POMP: variants seen among roughly 807,000 people sequenced by gnomAD.
The protein encoded by POMP is 2510048O06Rik.
Under a neutral mutation model 20.6 loss-of-function variants are expected in POMP, and 12 were observed. That is an observed-to-expected ratio of 0.58 (90% confidence interval 0.37 to 0.94). The LOEUF is 0.94. POMP is among the 40% of genes least tolerant of loss of function. The pLI, the probability that POMP is intolerant of heterozygous loss-of-function variation, is 0.01. For synonymous variants in POMP, 53 were observed against 55.0 expected (o/e 0.96, Z 0.16); for missense variants, 136 against 161.1 (o/e 0.84, Z 0.84).
chr13:28,670,940 G>A (rs1884535858), intron 4 of POMP, among the ~76,000 whole-genome samples: 3 of 152,092 alleles, frequency 2.0e-5, no homozygotes, highest in East Asian at 1.9e-4. Context: ...CCAGCTACTC[G>A]GGAGGCTGAG....
At position 28,662,503 on chromosome 13, in the gene POMP, A is replaced by G. The variant is rs1884363343; in HGVS notation, c.97A>G (p.Lys33Glu). 1.2e-6 allele frequency: 2 copies of G among 1,607,102 alleles called. No homozygotes were observed. Among genetic ancestry groups the G allele is most frequent in the Non-Finnish European group, 1.7e-6 (2 of 1,173,748 alleles). ...GPFESHDLLR[K>E]GFSCVKNELL... ...TTTTGAAAGTCATGATCTTCTTCGG[A>G]AAGGGTATATGGGGGAGTTATGACT... Residue 33 changes from lysine (K) to glutamate (E), a missense_variant, in exon 2 of 6, where the codon AAA becomes GAA. Coordinates refer to ENST00000380842, the MANE Select transcript of POMP (RefSeq NM_015932.6).
At chr13:28,672,277 T>C in intron 4 of POMP, 62 bp from the exon 5 acceptor site, 1 of 1,231,894 alleles carries the variant, frequency 8.1e-7, no homozygotes. Context: ...AATTAGACTA[T>C]ATATTCTGTC....
At chr13:28,676,781 A>T (rs1478980666) in intron 5 of POMP, among the ~76,000 whole-genome samples, 2 of 152,184 alleles carry the variant, frequency 1.3e-5, no homozygotes, top group Non-Finnish European at 2.9e-5. Flanking sequence ...CTTTTTCTTA[A>T]TGCTGGAAGG....
intron 2 of POMP, among the ~76,000 whole-genome samples, chr13:28,664,214 T>C (rs1370629473): frequency 6.6e-6 from 1 of 152,252 alleles, no homozygotes; most frequent in African/African-American, 2.4e-5. Context: ...CTTCTAGATG[T>C]GGCACCAGAT....
intron 3 of POMP, among the ~76,000 whole-genome samples, chr13:28,666,369 T>G (rs1884445603): frequency 6.6e-6 from 1 of 152,234 alleles, no homozygotes; most frequent in Non-Finnish European, 1.5e-5. Context: ...TATTTTCCTG[T>G]GTATTAGTCT....
chr13:28,665,207 T>A (rs1884420336), intron 3 of POMP, among the ~76,000 whole-genome samples: 1 of 152,118 alleles, frequency 6.6e-6, no homozygotes, highest in Non-Finnish European at 1.5e-5. Context: ...AAAACACAAT[T>A]TAAAGGATTC....
Position 28,678,123 on chromosome 13 carries a change from C to T in POMP, c.*21C>T, listed in dbSNP as rs1884659760. 6.2e-7 allele frequency: 1 copy of T among 1,601,660 alleles called. No homozygotes were observed. The highest frequency in any genetic ancestry group is 8.6e-7 in the Non-Finnish European group (1 of 1,168,894). On this transcript the variant is annotated 3_prime_UTR_variant, in exon 6 of 6. Transcript: ENST00000380842. ...TGTAATAGTGTGCTGTTCATGGAAA[C>T]CGAGGGCTGCATCTTGTTTATAGTC...
intron 5 of POMP, among the ~76,000 whole-genome samples, chr13:28,674,945 A>G (rs1353320880): frequency 1.3e-5 from 2 of 151,868 alleles, no homozygotes; most frequent in Admixed American, 6.6e-5. Context: ...AGGCTGAGGC[A>G]GGAGGATCAC....
chr13:28,671,449 C>CTTTTT (rs58068200), intron 4 of POMP, among the ~76,000 whole-genome samples: 5 of 144,792 alleles, frequency 3.5e-5, no homozygotes, highest in Non-Finnish European at 7.6e-5. Flanking sequence ...AATTCTCTGT[C>CTTTTT]TTTTTTTTTT....
intron 4 of POMP, among the ~76,000 whole-genome samples, chr13:28,670,426 G>T (rs2511252): frequency 0.044 from 6,759 of 152,140 alleles, 503 homozygotes; most frequent in African/African-American, 0.15. Context: ...GCTGGTCCTT[G>T]CCCCTGTCAG....
chr13:28,664,485 G>GT (rs34899277), intron 2 of POMP, 24 bp from the exon 3 acceptor site: 47,048 of 1,112,898 alleles, frequency 0.042, 526 homozygotes, highest in African/African-American at 0.16. Context: ...TCCTCTAAAT[G>GT]TTTTTTTTTT....
intron 5 of POMP, among the ~76,000 whole-genome samples, chr13:28,676,771 CTT>C (rs1040869841): frequency 1.3e-5 from 2 of 152,156 alleles, no homozygotes; most frequent in Non-Finnish European, 2.9e-5. Flanking sequence ...CAAAAATAGA[CTT>C]TTTCTTAATG....
chr13:28,672,511 C>G (rs908754986), intron 5 of POMP, 79 bp downstream of exon 5: 9 of 1,103,616 alleles, frequency 8.2e-6, no homozygotes, highest in South Asian at 1.2e-5. Flanking sequence ...AGGCAAAATT[C>G]TTGTCCTCAT....
chr13:28,675,708 G>A (rs1771190), intron 5 of POMP, among the ~76,000 whole-genome samples: 6,754 of 146,874 alleles, frequency 0.046, 504 homozygotes, highest in African/African-American at 0.16. Flanking sequence ...TGGGTAATTT[G>A]TAAAGAAAAT....
intron 4 of POMP, among the ~76,000 whole-genome samples, chr13:28,670,345 C>T (rs1381189184): frequency 6.6e-6 from 1 of 152,126 alleles, no homozygotes; most frequent in African/African-American, 2.4e-5. Flanking sequence ...ACCTAGCACC[C>T]ATCCTAACCT....
intron 1 of POMP, among the ~76,000 whole-genome samples, chr13:28,661,695 T>C (rs1884344539): frequency 6.6e-6 from 1 of 152,240 alleles, no homozygotes; most frequent in Non-Finnish European, 1.5e-5. Flanking sequence ...ACTGTCTTTT[T>C]TACTTTGTTT....
chr13:28,664,125 G>A (rs1359462391), intron 2 of POMP, among the ~76,000 whole-genome samples: 1 of 151,174 alleles, frequency 6.6e-6, no homozygotes, highest in Non-Finnish European at 1.5e-5. Flanking sequence ...TGTTAGACCT[G>A]AAGGGAATAG....
At position 28,672,370 on chromosome 13, in the gene POMP, A is replaced by C; in HGVS notation, c.296A>C (p.Asn99Thr). ...CGTCTTCCATTTCTTTCAAGCTCAA[A>C]TCTTTCACTGGATGTTTTGAGGGGT... The part of the protein sequence containing the change: ...VQRLPFLSSS[N>T]LSLDVLRGND... The change falls in exon 5 of 6, where the codon AAT becomes ACT. Residue 99 changes from asparagine to threonine, a missense_variant. By Grantham distance (65) the Asn-to-Thr change is moderately conservative. Coordinates refer to ENST00000380842, the MANE Select transcript of POMP (RefSeq NM_015932.6). 1 of 1,611,184 alleles carries C rather than the reference A, an allele frequency of 6.2e-7. No homozygotes were observed. The highest frequency in any genetic ancestry group is 8.5e-7 in the Non-Finnish European group (1 of 1,177,424).
At chr13:28,660,827 A>G (rs932285544) in intron 1 of POMP, among the ~76,000 whole-genome samples, 2 of 152,190 alleles carry the variant, frequency 1.3e-5, no homozygotes, top group African/African-American at 4.8e-5. Flanking sequence ...CAAAGATTTT[A>G]TAGCAGTTTT....
Sources: gnomAD v4.1 joint callset for allele counts (sites outside exome capture counted in the v4.1 genomes callset) on GRCh38, gnomAD v4.1.1 for gene constraint, MANE v1.5 for transcripts, NCBI Gene and HGNC (gene_info 2026-07-23, HGNC 2026-07-21) for gene names.